SETX: variants seen among roughly 807,000 people sequenced by gnomAD.
The protein encoded by SETX is senataxin.
A neutral mutation model predicts 227.2 loss-of-function variants in SETX; 90 were observed. That is an observed-to-expected ratio of 0.40 (90% CI 0.33 to 0.47). The LOEUF (loss-of-function observed/expected upper bound fraction) is 0.47, where lower values mean the gene tolerates loss of function less well. SETX is among the 20% of genes least tolerant of loss of function. SETX has a pLI of 0.91. For synonymous variants in SETX, 1,210 were observed against 1,113.2 expected, an observed-to-expected ratio of 1.09 and a Z score of -1.73; for missense variants, 3,052 against 3,181.5, an observed-to-expected ratio of 0.96 and a Z score of 0.98.
chr9:132,331,184 A>G (rs1251441153), intron 8 of SETX, 45 bp from the exon 9 acceptor site: 26 of 1,608,166 alleles, frequency 1.6e-5, no homozygotes, highest in Non-Finnish European at 2.2e-5. Context: ...CGAAGGGGGA[A>G]AAAAAGGAAG....
Position 132,297,059 on chromosome 9 carries a change from A to G in SETX, c.5782-5T>C. On this transcript the variant is annotated splice_region_variant and splice_polypyrimidine_tract_variant and intron_variant, in intron 13 of 25. Transcript: ENST00000224140. ...GAAATCTCTTAAGTACGCAATCTAT[A>G]TAAAAAACACATTTTTGAGAATGAG... 1 of 1,608,050 alleles carries G rather than the reference A, an allele frequency of 6.2e-7. No homozygotes were observed. The highest frequency in any genetic ancestry group is 8.5e-7 in the Non-Finnish European group (1 of 1,176,166).
At chr9:132,283,556 C>A (rs769666900) in intron 18 of SETX, 143 bp from the exon 19 acceptor site, 46 of 994,752 alleles carry the variant, frequency 4.6e-5, no homozygotes, top group Non-Finnish European at 6.4e-5. Flanking sequence ...GGGAAACCCT[C>A]AAATCTAGGA....
At chr9:132,331,243 A>G in intron 8 of SETX, 34 bp downstream of exon 8, 1 of 1,613,098 alleles carries the variant, frequency 6.2e-7, no homozygotes, top group Non-Finnish European at 8.5e-7. Context: ...TCTTATAGAG[A>G]TGATGTTTAA....
intron 3 of SETX, among the ~76,000 whole-genome samples, chr9:132,346,942 G>A (rs1848325801): frequency 6.6e-6 from 1 of 151,948 alleles, no homozygotes; most frequent in Non-Finnish European, 1.5e-5. Context: ...ATGACATAGG[G>A]AAACCCTGCC....
chr9:132,333,404 A>ATATATATATAT (rs1455820977), intron 7 of SETX, among the ~76,000 whole-genome samples: 4 of 61,518 alleles, frequency 6.5e-5, no homozygotes, highest in African/African-American at 2.8e-4. Flanking sequence ...AAAAGAAAAA[A>ATATATATATAT]AAAAATATAT....
At position 132,330,250 on chromosome 9, in the gene SETX, C is replaced by A. The variant is rs1847138304; in HGVS notation, c.1348G>T (p.Val450Leu). 6.3e-7 allele frequency: 1 copy of A among 1,577,678 alleles called. No homozygotes were observed. The highest frequency in any genetic ancestry group is 1.4e-5 in the African/African-American group (1 of 73,888). ...VKEVLNQTDA[V>L]CDKVTEFFLL... ...AAAAATTCAGTGACTTTGTCACACA[C>A]AGCATCTGTTTGGTTGAGGACTTCT... Residue 450 changes from valine to leucine, a missense_variant, in exon 10 of 26, where the codon GTG (valine) becomes TTG (leucine). By Grantham distance (32) the Val-to-Leu change is conservative. This residue lies in a region of SETX where 179 missense variants were observed against 197.1 expected (regional missense o/e 0.91). Transcript: ENST00000224140.
Position 132,328,372 on chromosome 9 carries a change from A to G in SETX, c.3226T>C (p.Ser1076Pro). ...KTETLFQFEESDSQCFEFESS... is the reference protein window; with the variant it reads ...KTETLFQFEEPDSQCFEFESS... ...TCAAACTCAAAACACTGAGAATCAG[A>G]TTCCTCAAACTGAAAAAGAGTCTCT... Residue 1076 changes from serine (S) to proline (P), a missense_variant, in exon 10 of 26, where the codon TCT (serine) becomes CCT (proline). Coordinates refer to ENST00000224140, the MANE Select transcript of SETX (RefSeq NM_015046.7). The G allele has an allele frequency of 6.2e-7, 1 of 1,614,072 alleles. No homozygotes were observed. Among genetic ancestry groups the G allele is most frequent in the Non-Finnish European group, 8.5e-7 (1 of 1,180,000 alleles).
In SETX at chr9:132,264,346, G is replaced by C; in HGVS notation, c.7927C>G (p.Gln2643Glu). The C allele has an allele frequency of 6.2e-7, 1 of 1,614,114 alleles. No individual in the cohort carries two copies. The highest frequency in any genetic ancestry group is 1.1e-5 in the South Asian group (1 of 91,080). Residue 2643 changes from glutamine (Q) to glutamate (E), a missense_variant, in exon 26 of 26, where the codon CAG becomes GAG. Physicochemically the swap from Gln to Glu is conservative, Grantham distance 29 (BLOSUM62 2). This residue lies in a region of SETX where 294 missense variants were observed against 278.8 expected (regional missense o/e 1.05). Transcript: ENST00000224140. ...REARAFSEGE[Q>E]EKCGSETHHT... is the part of the protein sequence containing the mutation. ...TGGGTCTCGGAACCACACTTCTCCT[G>C]CTCCCCTTCACTGAAAGCCCTGGCC...
chr9:132,321,890 A>G (rs1203915604), intron 10 of SETX, among the ~76,000 whole-genome samples: 1 of 152,154 alleles, frequency 6.6e-6, no homozygotes, highest in Non-Finnish European at 1.5e-5. Context: ...ATTGATTGAC[A>G]TAATGGTGGG....
chr9:132,294,302 C>T (rs1844533013), intron 15 of SETX, among the ~76,000 whole-genome samples: 1 of 152,122 alleles, frequency 6.6e-6, no homozygotes, highest in African/African-American at 2.4e-5. Flanking sequence ...TATACATATG[C>T]TAGATACCCA....
At chr9:132,349,464 G>A (rs933609425) in intron 2 of SETX, 29 bp from the exon 3 acceptor site, 1 of 1,611,036 alleles carries the variant, frequency 6.2e-7, no homozygotes, top group East Asian at 2.2e-5. Flanking sequence ...ACATCAAGAA[G>A]AAAACCAACT....
chr9:132,317,817 G>A (rs1846078482), intron 10 of SETX, among the ~76,000 whole-genome samples: 1 of 151,752 alleles, frequency 6.6e-6, no homozygotes, highest in South Asian at 2.1e-4. Flanking sequence ...ATTTCTGGCA[G>A]GTAACATTGT....
intron 15 of SETX, among the ~76,000 whole-genome samples, chr9:132,291,837 T>C (rs1589658187): frequency 7.4e-6 from 1 of 135,678 alleles, no homozygotes; most frequent in Non-Finnish European, 1.6e-5. Flanking sequence ...AATAAAAACA[T>C]ATAAATTTCT....
At chr9:132,306,671 T>C (rs546744722) in intron 11 of SETX, among the ~76,000 whole-genome samples, 7 of 152,368 alleles carry the variant, frequency 4.6e-5, no homozygotes, top group East Asian at 3.9e-4. Flanking sequence ...TCAAGTCATA[T>C]ATATGTAAAA....
At chr9:132,278,437 CTTTTTTTTTT>C (rs67558000) in intron 20 of SETX, among the ~76,000 whole-genome samples, 180 bp from the exon 21 acceptor site, 196 of 84,826 alleles carry the variant, frequency 2.3e-3, no homozygotes, top group African/African-American at 5.2e-3. Flanking sequence ...TGCCATGAAT[CTTTTTTTTTT>C]TTTTTTTTTT....
Position 132,319,902 on chromosome 9 carries a change from T to C in SETX, c.5274+6422A>G, listed in dbSNP as rs548628349. On this transcript the variant is annotated intron_variant, in intron 10 of 25. Transcript: ENST00000224140. ...GTACTCCTTGCCTGCCTGCTCCCTG[T>C]CCATGCAACCTACAATGACCTCTAC... 2.0e-4 allele frequency among the ~76,000 whole-genome samples: 30 copies of C among 152,000 alleles called. No individual in the cohort carries two copies. The South Asian group carries it at 4.8e-3, about 24-fold the overall frequency.
rs369919717 is a variant in SETX, at chr9:132,275,337, C to T, written c.7019G>A (p.Arg2340Gln). Residue 2340 changes from arginine (R) to glutamine (Q), a missense_variant, in exon 23 of 26, where the codon CGA becomes CAA. Arg to Gln is a conservative substitution (Grantham distance 43). Coordinates refer to ENST00000224140, the MANE Select transcript of SETX (RefSeq NM_015046.7). Reference protein sequence around the residue: ...IKDKRKDVSFRNIGIITHYKA... With the variant: ...IKDKRKDVSFQNIGIITHYKA... ...GTAATGAGTTATTATGCCAATGTTT[C>T]GAAAACTAACATCCTTTCTTTTGTC... The T allele has an allele frequency of 1.9e-5, 31 of 1,612,882 alleles. 1 individual carries two copies. Among genetic ancestry groups the T allele is most frequent in the African/African-American group, 4.0e-5 (3 of 74,880 alleles).
chr9:132,312,520 T>TA (rs1311220117), intron 10 of SETX, among the ~76,000 whole-genome samples: 2 of 150,402 alleles, frequency 1.3e-5, no homozygotes, highest in African/African-American at 4.8e-5. Flanking sequence ...ATGTAACAGT[T>TA]AGTCATTAAG....
intron 4 of SETX, among the ~76,000 whole-genome samples, chr9:132,344,407 G>C (rs1478149619): frequency 1.3e-5 from 2 of 152,152 alleles, no homozygotes; most frequent in African/African-American, 4.8e-5. Context: ...AGATGGGGGA[G>C]GGAGGGTGTT....
Sources: gnomAD v4.1 joint callset for allele counts (sites outside exome capture counted in the v4.1 genomes callset) on GRCh38, gnomAD v4.1.1 for gene constraint, gnomAD v4.1.1 regional missense constraint, MANE v1.5 for transcripts, NCBI Gene and HGNC (gene_info 2026-07-23, HGNC 2026-07-21) for gene names.